DIAPH3: variants seen among roughly 807,000 people sequenced by gnomAD.
The protein encoded by DIAPH3 is diaphanous related formin 3.
A neutral mutation model predicts 144.3 loss-of-function variants in DIAPH3; 117 were observed. That is an observed-to-expected ratio of 0.81 (90% CI 0.70 to 0.95). DIAPH3 has a LOEUF of 0.95. DIAPH3 is among the 40% of genes least tolerant of loss of function. The probability of loss-of-function intolerance (pLI) is 0.00; values close to 1 mark genes in which losing one functional copy is unlikely to be tolerated. For synonymous variants in DIAPH3, 519 were observed against 488.9 expected, an observed-to-expected ratio of 1.06 and a Z score of -0.81; for missense variants, 1,421 against 1,412.7, an observed-to-expected ratio of 1.01 and a Z score of -0.09.
At chr13:59,750,193 C>T (rs2036934869) in intron 27 of DIAPH3, among the ~76,000 whole-genome samples, 1 of 152,174 alleles carries the variant, frequency 6.6e-6, no homozygotes, top group South Asian at 2.1e-4. Context: ...GATGCACTAT[C>T]AGTCTACTCA....
intron 1 of DIAPH3, among the ~76,000 whole-genome samples, chr13:60,137,912 C>T (rs748350734): frequency 6.6e-6 from 1 of 151,742 alleles, no homozygotes; most frequent in Non-Finnish European, 1.5e-5. Context: ...TTAGTGGAGA[C>T]AGGGTTTCGC....
At chr13:60,109,576 C>G (rs1302275335) in intron 3 of DIAPH3, among the ~76,000 whole-genome samples, 1 of 152,154 alleles carries the variant, frequency 6.6e-6, no homozygotes, top group Admixed American at 6.5e-5. Context: ...GGAAAAGGAG[C>G]AGCTTTCTTT....
At chr13:59,704,521 GCTAT>G (rs2034305962) in intron 27 of DIAPH3, among the ~76,000 whole-genome samples, 1 of 152,198 alleles carries the variant, frequency 6.6e-6, no homozygotes, top group Non-Finnish European at 1.5e-5. Flanking sequence ...CATCTAACAT[GCTAT>G]GTACAGTCAT....
At chr13:59,964,296 C>T (rs2049930749) in intron 17 of DIAPH3, among the ~76,000 whole-genome samples, 1 of 152,036 alleles carries the variant, frequency 6.6e-6, no homozygotes, top group Non-Finnish European at 1.5e-5. Context: ...ATCCATTACC[C>T]TAGTATCTTT....
intron 27 of DIAPH3, among the ~76,000 whole-genome samples, chr13:59,701,416 C>T (rs1010722467): frequency 1.3e-5 from 2 of 152,204 alleles, no homozygotes; most frequent in African/African-American, 4.8e-5. Context: ...ACAGTGATCA[C>T]ATTGCTGCAA....
intron 27 of DIAPH3, among the ~76,000 whole-genome samples, chr13:59,742,073 C>T (rs777371199): frequency 2.0e-5 from 3 of 152,048 alleles, no homozygotes; most frequent in Non-Finnish European, 4.4e-5. Context: ...TGGAAGTCAG[C>T]AAGAGAGCTT....
At position 59,859,693 on chromosome 13, in the gene DIAPH3, TC is replaced by T. The variant is rs2043466555; in HGVS notation, c.2737+1713del. Among the ~76,000 whole-genome samples the T allele has an allele frequency of 2.0e-5, 3 of 152,230 alleles. No homozygotes were observed. In the South Asian group the frequency reaches 6.2e-4, roughly 32 times the overall value. ...TCCAATTTTTTTTTATCCCATTTGG[TC>T]AAAAAATCCAAAATATCAGAATTCT... On this transcript the variant is annotated intron_variant, in intron 22 of 27. Coordinates refer to ENST00000400324, the MANE Select transcript of DIAPH3 (RefSeq NM_001042517.2).
chr13:59,977,498 T>C (rs2050744597), intron 14 of DIAPH3, among the ~76,000 whole-genome samples: 1 of 151,830 alleles, frequency 6.6e-6, no homozygotes. Context: ...GTATGTATAA[T>C]AAGTAAACAA....
chr13:59,712,630 C>T (rs2034811832), intron 27 of DIAPH3, among the ~76,000 whole-genome samples: 1 of 152,264 alleles, frequency 6.6e-6, no homozygotes, highest in South Asian at 2.1e-4. Flanking sequence ...ACTTAAATAC[C>T]ACTTCTTTGG....
intron 22 of DIAPH3, among the ~76,000 whole-genome samples, chr13:59,846,245 A>C (rs1468579336): frequency 6.6e-6 from 1 of 152,154 alleles, no homozygotes; most frequent in East Asian, 1.9e-4. Context: ...AATTAAAAAA[A>C]AAAATCCTCT....
At chr13:59,735,778 G>T (rs559971980) in intron 27 of DIAPH3, among the ~76,000 whole-genome samples, 188 of 152,086 alleles carry the variant, frequency 1.2e-3, no homozygotes, top group African/African-American at 4.5e-3. Flanking sequence ...TGTTATTGTT[G>T]TTTGTTTTAA....
At chr13:59,796,826 G>A (rs2039633950) in intron 25 of DIAPH3, among the ~76,000 whole-genome samples, 1 of 152,182 alleles carries the variant, frequency 6.6e-6, no homozygotes, top group Admixed American at 6.5e-5. Context: ...TTGTAAAAGA[G>A]GACAGTGTCA....
intron 8 of DIAPH3, among the ~76,000 whole-genome samples, chr13:60,009,303 C>T (rs1342520560): frequency 6.6e-6 from 1 of 152,036 alleles, no homozygotes; most frequent in African/African-American, 2.4e-5. Flanking sequence ...GGCATGCAGT[C>T]CTAAATGTTA....
chr13:60,049,050 T>C (rs534984480), intron 4 of DIAPH3, among the ~76,000 whole-genome samples: 1 of 152,202 alleles, frequency 6.6e-6, no homozygotes. Flanking sequence ...CAACAAATTA[T>C]AGTATAACCA....
intron 27 of DIAPH3, among the ~76,000 whole-genome samples, chr13:59,753,580 T>C (rs2037121196): frequency 6.6e-6 from 1 of 152,214 alleles, no homozygotes; most frequent in Admixed American, 6.5e-5. Context: ...GTAATATCTA[T>C]ATTTTAATTT....
chr13:59,942,892 C>T (rs1403402509), intron 17 of DIAPH3, among the ~76,000 whole-genome samples: 1 of 152,138 alleles, frequency 6.6e-6, no homozygotes, highest in Non-Finnish European at 1.5e-5. Context: ...AGCTTCATAG[C>T]ATATCACCTG....
intron 27 of DIAPH3, among the ~76,000 whole-genome samples, chr13:59,684,621 C>T (rs67914150): frequency 0.085 from 12,912 of 152,154 alleles, 853 homozygotes; most frequent in African/African-American, 0.18. Context: ...TCATACTCAT[C>T]ACAAATCTTG....
At chr13:59,990,648 G>T (rs978314380) in intron 12 of DIAPH3, among the ~76,000 whole-genome samples, 4 of 151,846 alleles carry the variant, frequency 2.6e-5, no homozygotes, top group African/African-American at 9.7e-5. Flanking sequence ...TGTAGATGAG[G>T]TTAAAAGAAA....
At chr13:59,813,250 G>C (rs1206106882) in intron 24 of DIAPH3, among the ~76,000 whole-genome samples, 1 of 151,918 alleles carries the variant, frequency 6.6e-6, no homozygotes, top group Admixed American at 6.6e-5. Context: ...TTGTTAGCCT[G>C]TTAGTAGGTA....
Sources: allele counts gnomAD v4.1 joint callset (sites outside exome capture counted in the v4.1 genomes callset), GRCh38; gene constraint gnomAD v4.1.1; transcripts MANE v1.5; gene names NCBI Gene and HGNC (gene_info 2026-07-23, HGNC 2026-07-21).